The following XYLT1 variants were observed in gnomAD, a reference collection of about 807,000 sequenced individuals.
XYLT1 encodes the protein xylosyltransferase 1, also known as beta-D-xylosyltransferase 1.
A neutral mutation model predicts 91.3 loss-of-function variants in XYLT1; 36 were observed. That is an observed-to-expected ratio of 0.39 (90% CI 0.30 to 0.52). The LOEUF (loss-of-function observed/expected upper bound fraction) is 0.52, where lower values mean the gene tolerates loss of function less well. XYLT1 is among the 20% of genes least tolerant of loss of function. The pLI is 0.68. For missense variants in XYLT1, 1,242 were observed against 1,284.5 expected (o/e 0.97, Z 0.51); for synonymous variants, 588 against 532.0 (o/e 1.11, Z -1.45).
intron 1 of XYLT1, among the ~76,000 whole-genome samples, chr16:17,374,642 G>GAAA (rs10622995): frequency 5.8e-4 from 84 of 144,340 alleles, no homozygotes; most frequent in Non-Finnish European, 7.9e-4. Context: ...ATTACAGACA[G>GAAA]AAAAAAAAAA....
At chr16:17,391,336 C>T (rs940236937) in intron 1 of XYLT1, among the ~76,000 whole-genome samples, 2 of 152,178 alleles carry the variant, frequency 1.3e-5, no homozygotes, top group African/African-American at 4.8e-5. Context: ...ATTTTCCACC[C>T]ACCCCTGTGA....
chr16:17,394,933 C>T (rs1198345115), intron 1 of XYLT1, among the ~76,000 whole-genome samples: 2 of 152,154 alleles, frequency 1.3e-5, no homozygotes, highest in Non-Finnish European at 2.9e-5. Flanking sequence ...CCAGCCTGAG[C>T]AAGAGAGTGA....
chr16:17,222,772 A>G (rs2032992654), intron 3 of XYLT1, among the ~76,000 whole-genome samples: 1 of 141,312 alleles, frequency 7.1e-6, no homozygotes, highest in Admixed American at 7.3e-5. Flanking sequence ...CCTGGGTGAC[A>G]GAGCAAAACT....
Position 17,470,672 on chromosome 16 carries a change from GC to G in XYLT1, c.124del (p.Ala42ProfsTer152). 4 of 1,152,556 alleles carry G rather than the reference GC, an allele frequency of 3.5e-6. No individual in the cohort carries two copies. The highest frequency in any genetic ancestry group is 1.8e-5 in the South Asian group (1 of 56,744). 71.4% of individuals were successfully genotyped at this position (1,152,556 alleles called of 1,614,324 possible). On this transcript the variant is annotated frameshift_variant, in exon 1 of 12. Coordinates refer to ENST00000261381, the MANE Select transcript of XYLT1 (RefSeq NM_022166.4). LOFTEE classifies it high-confidence loss of function. ...CGCTGCGCCCCCGCGGCGCTCCCCG[GC>G]CCCGGAGTCGAGGCTGCTGAAATTC... ...VWNFSSLDSG[A>X]GERRGGAAVG... is the part of the protein sequence containing the mutation.
At position 17,300,452 on chromosome 16, in the gene XYLT1, C is replaced by CTTTTTTTTTTTTTTTTTTTTTTTTTT. The variant is rs67480834; in HGVS notation, c.403-40955_403-40954insAAAAAAAAAAAAAAAAAAAAAAAAAA. Among the ~76,000 whole-genome samples, 39 of 64,842 alleles carry CTTTTTTTTTTTTTTTTTTTTTTTTTT rather than the reference C, an allele frequency of 6.0e-4. 6 individuals carry two copies. Among genetic ancestry groups the CTTTTTTTTTTTTTTTTTTTTTTTTTT allele is most frequent in the African/African-American group, 2.2e-3 (35 of 16,068 alleles). The allele number at this position is 64,842 out of a possible 152,430, so 42.5% of individuals were successfully genotyped here. ...CAGCTATTTCTTTCTTTCATTCTTT[C>CTTTTTTTTTTTTTTTTTTTTTTTTTT]TTTTTTTTTTTTTTTTTTTTTTGAG... is the stretch of plus-strand genomic sequence containing the variant. On this transcript the variant is annotated intron_variant, in intron 2 of 11. Transcript: ENST00000261381.
At chr16:17,408,146 C>T (rs1034770683) in intron 1 of XYLT1, among the ~76,000 whole-genome samples, 6 of 152,136 alleles carry the variant, frequency 3.9e-5, no homozygotes, top group African/African-American at 1.4e-4. Context: ...TATAGTAATA[C>T]AAAATATACG....
At position 17,447,690 on chromosome 16, in the gene XYLT1, T is replaced by C. The variant is rs114472593; in HGVS notation, c.363+22744A>G. ...TATGGGATGCTCTTGGAAAAAGAGT[T>C]TCAGCCTATGTCGTAAGACCCATGG... On this transcript the variant is annotated intron_variant, in intron 1 of 11. Transcript: ENST00000261381. 8.4e-3 allele frequency among the ~76,000 whole-genome samples: 1,274 copies of C among 152,310 alleles called. 15 individuals are homozygous for C. Among genetic ancestry groups the C allele is most frequent in the African/African-American group, 0.028 (1,176 of 41,562 alleles).
At chr16:17,309,722 G>T (rs185319785) in intron 2 of XYLT1, among the ~76,000 whole-genome samples, 2 of 152,186 alleles carry the variant, frequency 1.3e-5, no homozygotes, top group South Asian at 4.1e-4. Context: ...GGATTCTTTG[G>T]AAGCACTTCT....
chr16:17,222,136 C>T lies in XYLT1; in HGVS notation c.914-21482G>A, dbSNP rs182845530. Among the ~76,000 whole-genome samples the T allele has an allele frequency of 2.5e-3, 375 of 152,252 alleles. 2 individuals are homozygous for T. The highest frequency in any genetic ancestry group is 8.5e-3 in the African/African-American group (355 of 41,536). The stretch of plus-strand genomic sequence containing the variant: ...CTGAGGGAGACTGAATCCTAGGACC[C>T]GACCCAGATACCTGGGAGTTAGTAA... On this transcript the variant is annotated intron_variant, in intron 3 of 11. Transcript: ENST00000261381.
intron 1 of XYLT1, among the ~76,000 whole-genome samples, chr16:17,440,610 A>G (rs2036521410): frequency 6.6e-6 from 1 of 152,180 alleles, no homozygotes. Context: ...TAGAAATGGA[A>G]TCTTATCCGT....
rs148752392 is a variant in XYLT1 at position 17,317,258 on chromosome 16, G to C, written c.402+40754C>G. Among the ~76,000 whole-genome samples the C allele has an allele frequency of 2.2e-4, 34 of 152,244 alleles. No individual in the cohort carries two copies. The East Asian group carries it at 5.6e-3, about 25-fold the overall frequency. ...TCTTTGGGTCATTTACAATTAGAGA[G>C]GTGAGGCAACCTTTGACATTCTTGA... On this transcript the variant is annotated intron_variant, in intron 2 of 11. Transcript: ENST00000261381.
chr16:17,161,624 T>A (rs1004451538), intron 5 of XYLT1, among the ~76,000 whole-genome samples: 2 of 152,114 alleles, frequency 1.3e-5, no homozygotes, highest in African/African-American at 2.4e-5. Flanking sequence ...TCTCTCCAGA[T>A]AATTAACAGC....
intron 4 of XYLT1, 41 bp from the exon 5 acceptor site, chr16:17,198,455 A>G (rs1200350793): frequency 6.3e-7 from 1 of 1,592,494 alleles, no homozygotes; most frequent in Non-Finnish European, 8.6e-7. Flanking sequence ...TCAGTGGCCT[A>G]GAAAATACCC....
intron 1 of XYLT1, among the ~76,000 whole-genome samples, chr16:17,394,309 C>T (rs937820643): frequency 2.0e-5 from 3 of 152,194 alleles, no homozygotes; most frequent in African/African-American, 7.2e-5. Flanking sequence ...ACCACAGCAG[C>T]GATCACCGTT....
intron 3 of XYLT1, among the ~76,000 whole-genome samples, chr16:17,252,763 G>A (rs571269678): frequency 1.3e-4 from 20 of 152,238 alleles, no homozygotes; most frequent in African/African-American, 4.3e-4. Context: ...GAGTGGGGGC[G>A]CTGTACCAAA....
chr16:17,453,325 G>C (rs538987863), intron 1 of XYLT1, among the ~76,000 whole-genome samples: 236 of 152,302 alleles, frequency 1.5e-3, no homozygotes, highest in African/African-American at 5.5e-3. Flanking sequence ...TGGTAAAGTG[G>C]GTTGGCTTAG....
intron 1 of XYLT1, among the ~76,000 whole-genome samples, chr16:17,404,496 C>A (rs1266374129): frequency 1.3e-5 from 2 of 152,174 alleles, no homozygotes; most frequent in Admixed American, 1.3e-4. Flanking sequence ...CCATGATCAT[C>A]CCCATTATAC....
At chr16:17,400,800 C>T (rs1461983448) in intron 1 of XYLT1, among the ~76,000 whole-genome samples, 2 of 152,002 alleles carry the variant, frequency 1.3e-5, no homozygotes, top group South Asian at 2.1e-4. Context: ...GCGAGGAAGG[C>T]CAGCCGGAGG....
chr16:17,419,620 G>T (rs891452565), intron 1 of XYLT1, among the ~76,000 whole-genome samples: 3 of 152,188 alleles, frequency 2.0e-5, no homozygotes, highest in Non-Finnish European at 2.9e-5. Flanking sequence ...TGACTGAAAT[G>T]ACTCTTGGTA....
Sources: gnomAD v4.1 joint callset for allele counts (sites outside exome capture counted in the v4.1 genomes callset) on GRCh38, gnomAD v4.1.1 for gene constraint, MANE v1.5 for transcripts, NCBI Gene and HGNC (gene_info 2026-07-23, HGNC 2026-07-21) for gene names.